C8orf34: variants seen among roughly 807,000 people sequenced by gnomAD.
The protein encoded by C8orf34 is chromosome 8 open reading frame 34, also known as uncharacterized protein C8orf34.
C8orf34 carries 65 observed loss-of-function variants against 68.3 expected under a neutral mutation model. The observed-to-expected ratio is 0.95, with a 90% CI of 0.78 to 1.17. C8orf34 has a LOEUF of 1.17. Ranked by LOEUF, C8orf34 falls within the 50% of genes most tolerant of loss-of-function variation. The pLI, the probability that C8orf34 is intolerant of heterozygous loss-of-function variation, is 0.00. For synonymous variants in C8orf34, 244 were observed against 241.2 expected, an observed-to-expected ratio of 1.01 and a Z score of -0.11; for missense variants, 664 against 655.4, an observed-to-expected ratio of 1.01 and a Z score of -0.14.
At chr8:68,729,809 G>T (rs1821930557) in intron 10 of C8orf34, among the ~76,000 whole-genome samples, 1 of 151,858 alleles carries the variant, frequency 6.6e-6, no homozygotes, top group Non-Finnish European at 1.5e-5. Flanking sequence ...TATTAATATT[G>T]CTACACTGTA....
At chr8:68,365,050 A>T (rs903136005) in intron 1 of C8orf34, among the ~76,000 whole-genome samples, 8 of 151,074 alleles carry the variant, frequency 5.3e-5, no homozygotes, top group African/African-American at 1.9e-4. Flanking sequence ...ACAATAAAAA[A>T]TGATAAAGGG....
At chr8:68,705,218 G>A (rs1821129593) in intron 8 of C8orf34, among the ~76,000 whole-genome samples, 1 of 152,096 alleles carries the variant, frequency 6.6e-6, no homozygotes, top group African/African-American at 2.4e-5. Context: ...TGAGCTGATG[G>A]TTTAAGATAA....
intron 4 of C8orf34, among the ~76,000 whole-genome samples, chr8:68,477,635 G>A (rs1812678298): frequency 6.6e-6 from 1 of 152,236 alleles, no homozygotes; most frequent in Non-Finnish European, 1.5e-5. Flanking sequence ...GGCTGTGGGA[G>A]CCAACCCTGC....
chr8:68,458,660 C>T (rs1010300914), intron 3 of C8orf34, among the ~76,000 whole-genome samples: 1 of 152,158 alleles, frequency 6.6e-6, no homozygotes, highest in African/African-American at 2.4e-5. Context: ...CTCATCTGAA[C>T]TTCTCTCTCT....
chr8:68,609,712 G>A (rs1817961433), intron 7 of C8orf34, among the ~76,000 whole-genome samples: 1 of 152,138 alleles, frequency 6.6e-6, no homozygotes, highest in South Asian at 2.1e-4. Flanking sequence ...GGATAGCCTG[G>A]ATGACTTTTC....
rs576832267 is a variant in C8orf34 at position 68,613,704 on chromosome 8, G to T, written c.1106-26672G>T. Among the ~76,000 whole-genome samples, 103 of 151,672 alleles carry T rather than the reference G, an allele frequency of 6.8e-4. 1 individual carries two copies. Among genetic ancestry groups the T allele is most frequent in the Admixed American group, 2.2e-3 (33 of 15,210 alleles). On this transcript the variant is annotated intron_variant, in intron 7 of 13. Transcript: ENST00000518698. Reference sequence around the variant, plus strand: ...CAGTCTATCATTGTTGGACATTTGGGTTGGTTCCAAGTCTTTGCTATTGTG... The same window carrying T: ...CAGTCTATCATTGTTGGACATTTGGTTTGGTTCCAAGTCTTTGCTATTGTG...
At chr8:68,489,551 C>T (rs1266300267) in intron 5 of C8orf34, among the ~76,000 whole-genome samples, 1 of 152,042 alleles carries the variant, frequency 6.6e-6, no homozygotes, top group Non-Finnish European at 1.5e-5. Context: ...TAATTTTATG[C>T]AATATTCTTA....
chr8:68,547,567 T>G (rs1485070408), intron 7 of C8orf34, among the ~76,000 whole-genome samples: 1 of 151,504 alleles, frequency 6.6e-6, no homozygotes, highest in Non-Finnish European at 1.5e-5. Flanking sequence ...GGCAAAGACA[T>G]TAAAAAGAAA....
intron 12 of C8orf34, among the ~76,000 whole-genome samples, chr8:68,808,481 C>T (rs1327577185): frequency 2.0e-5 from 3 of 151,548 alleles, no homozygotes; most frequent in Non-Finnish European, 4.4e-5. Flanking sequence ...ATGAAAAGAG[C>T]GTCAATGCAA....
At chr8:68,767,193 C>A (rs922436420) in intron 10 of C8orf34, among the ~76,000 whole-genome samples, 2 of 152,062 alleles carry the variant, frequency 1.3e-5, no homozygotes, top group African/African-American at 4.8e-5. Flanking sequence ...AAGACTCTGT[C>A]TCCAAATAAA....
intron 6 of C8orf34, chr8:68,530,502 A>G: frequency 2.5e-6 from 1 of 394,296 alleles, no homozygotes. Context: ...TAAGAAATCC[A>G]AATTAAAATT....
At chr8:68,635,923 A>C (rs1818826917) in intron 7 of C8orf34, among the ~76,000 whole-genome samples, 1 of 152,220 alleles carries the variant, frequency 6.6e-6, no homozygotes, top group Non-Finnish European at 1.5e-5. Context: ...CACAAATGAA[A>C]ACAAGCAGAG....
chr8:68,416,512 C>CATTTATTTATTTATTT (rs3057630), intron 1 of C8orf34, among the ~76,000 whole-genome samples: 2 of 145,996 alleles, frequency 1.4e-5, no homozygotes, highest in African/African-American at 5.0e-5. Flanking sequence ...ATTAAACATA[C>CATTTATTTATTTATTT]ATTTATTTAT....
intron 7 of C8orf34, among the ~76,000 whole-genome samples, chr8:68,561,698 C>G (rs1816433610): frequency 6.6e-6 from 1 of 152,142 alleles, no homozygotes; most frequent in Non-Finnish European, 1.5e-5. Context: ...GTGGAGGTTG[C>G]AGTGAGCCAA....
chr8:68,546,403 T>C (rs1815881640), intron 7 of C8orf34, among the ~76,000 whole-genome samples: 1 of 151,870 alleles, frequency 6.6e-6, no homozygotes, highest in African/African-American at 2.4e-5. Context: ...AAGAGAGTTA[T>C]AGCTTAATGA....
chr8:68,571,583 T>A (rs1816760219), intron 7 of C8orf34, among the ~76,000 whole-genome samples: 1 of 152,154 alleles, frequency 6.6e-6, no homozygotes, highest in Non-Finnish European at 1.5e-5. Flanking sequence ...TCACTGTAGG[T>A]GGGTGCCTGT....
chr8:68,655,092 C>T (rs1819474900), intron 8 of C8orf34, among the ~76,000 whole-genome samples: 1 of 151,914 alleles, frequency 6.6e-6, no homozygotes, highest in South Asian at 2.1e-4. Flanking sequence ...CATTTTGTTG[C>T]AATACATGTC....
intron 1 of C8orf34, among the ~76,000 whole-genome samples, chr8:68,359,577 G>T (rs1314397505): frequency 1.3e-5 from 2 of 152,168 alleles, no homozygotes; most frequent in African/African-American, 4.8e-5. Flanking sequence ...TTGAGACAGT[G>T]CCAGGTGGGG....
intron 10 of C8orf34, among the ~76,000 whole-genome samples, chr8:68,776,031 G>T (rs775540776): frequency 2.6e-5 from 4 of 152,144 alleles, no homozygotes; most frequent in African/African-American, 7.2e-5. Context: ...TAAGCATCAG[G>T]ATAAATAGCT....
Sources: gnomAD v4.1 joint callset for allele counts (sites outside exome capture counted in the v4.1 genomes callset) on GRCh38, gnomAD v4.1.1 for gene constraint, MANE v1.5 for transcripts, NCBI Gene and HGNC (gene_info 2026-07-23, HGNC 2026-07-21) for gene names.